Variants in PLEKHD1 observed in about 807,000 individuals in gnomAD.
The protein encoded by PLEKHD1 is pleckstrin homology domain-containing family D member 1.
In PLEKHD1, 51 loss-of-function variants were observed where a neutral mutation model predicts 69.2. That is an observed-to-expected ratio of 0.74 (90% CI 0.59 to 0.93). PLEKHD1 has a LOEUF of 0.93. Ranked by LOEUF, PLEKHD1 falls within the 40% of genes least tolerant of loss-of-function variation. The pLI, the probability that PLEKHD1 is intolerant of heterozygous loss-of-function variation, is 0.00. For missense variants in PLEKHD1, 584 were observed against 641.0 expected, an observed-to-expected ratio of 0.91 and a Z score of 0.96; for synonymous variants, 236 against 244.7, an observed-to-expected ratio of 0.96 and a Z score of 0.33.
chr14:69,477,763 T>A, the PLEKHD1 span, among the ~76,000 whole-genome samples: 1 of 152,186 alleles, frequency 6.6e-6, no homozygotes, highest in South Asian at 2.1e-4. Context: ...ATGCAAGAGG[T>A]AGGTTCCCAT....
Position 69,527,829 on chromosome 14 carries a change from G to A in PLEKHD1, c.1248G>A (p.Met416Ile). The A allele has an allele frequency of 1.3e-6, 2 of 1,551,530 alleles. No individual in the cohort carries two copies. Among genetic ancestry groups the A allele is most frequent in the Non-Finnish European group, 8.7e-7 (1 of 1,147,006 alleles). Residue 416 changes from methionine (M) to isoleucine (I), a missense_variant, in exon 12 of 13, where the codon ATG becomes ATA. Transcript: ENST00000322564. ...CIRNAELEAK[M>I]PVIMKNSVYI... ...GGAATGCCGAGCTGGAGGCCAAGAT[G>A]CCTGTGATCATGAAGAACTCCGTGT...
chr14:69,487,509 T>C (rs965161085), intron 1 of PLEKHD1, among the ~76,000 whole-genome samples: 1 of 152,136 alleles, frequency 6.6e-6, no homozygotes, highest in Non-Finnish European at 1.5e-5. Flanking sequence ...ACTGCATTAG[T>C]AAAGAATAAG....
chr14:69,527,356 G>A, intron 11 of PLEKHD1, 24 bp downstream of exon 11: 2 of 1,551,080 alleles, frequency 1.3e-6, no homozygotes, highest in Non-Finnish European at 8.7e-7. Flanking sequence ...CTAGGCCCTG[G>A]CCCCCAGCTT....
intron 6 of PLEKHD1, among the ~76,000 whole-genome samples, chr14:69,511,772 A>G (rs1314383039): frequency 6.6e-6 from 1 of 151,988 alleles, no homozygotes; most frequent in East Asian, 1.9e-4. Flanking sequence ...GCTGGTCTCA[A>G]ACTCCTGGCC....
At chr14:69,500,459 G>GA (rs1882997982) in intron 2 of PLEKHD1, 118 bp from the exon 3 acceptor site, 2 of 815,584 alleles carry the variant, frequency 2.5e-6, no homozygotes, top group Non-Finnish European at 3.8e-6. Flanking sequence ...CATGGCCCCA[G>GA]GGTCTAGCTT....
At chr14:69,510,212 A>G (rs1170439016) in intron 6 of PLEKHD1, among the ~76,000 whole-genome samples, 1 of 152,150 alleles carries the variant, frequency 6.6e-6, no homozygotes, top group Non-Finnish European at 1.5e-5. Context: ...TTTAGAATCA[A>G]TTTGTCAGTT....
chr14:69,500,484 T>C, intron 2 of PLEKHD1, 93 bp from the exon 3 acceptor site: 1 of 1,027,694 alleles, frequency 9.7e-7, no homozygotes, highest in Non-Finnish European at 1.4e-6. Context: ...CCTGGGGCAC[T>C]TGGCAGGAAC....
chr14:69,499,040 G>T (rs1030891058), intron 1 of PLEKHD1, among the ~76,000 whole-genome samples: 3 of 152,074 alleles, frequency 2.0e-5, no homozygotes, highest in African/African-American at 7.2e-5. Flanking sequence ...TTGGGGGAGG[G>T]AGCTGAGGCA....
chr14:69,500,195 A>G lies in PLEKHD1; in HGVS notation c.230A>G (p.Asn77Ser), dbSNP rs1594979028. ...KKSFETNKYF[N>S]IHPKGVIPLG... ...AGCTTTGAAACCAATAAATACTTCA[A>G]TATACATCCTAAGGTGAGGCGGCCC... Residue 77 changes from asparagine to serine, a missense_variant, in exon 2 of 13, where the codon AAT (asparagine) becomes AGT (serine). By Grantham distance (46) the Asn-to-Ser change is conservative (BLOSUM62 1). Transcript: ENST00000322564. 7 of 1,547,520 alleles carry G rather than the reference A, an allele frequency of 4.5e-6. No homozygotes were observed. The highest frequency in any genetic ancestry group is 6.1e-6 in the Non-Finnish European group (7 of 1,143,268).
intron 1 of PLEKHD1, among the ~76,000 whole-genome samples, chr14:69,485,335 A>G (rs1045793125): frequency 1.8e-4 from 28 of 152,226 alleles, no homozygotes; most frequent in Admixed American, 1.4e-3. Context: ...CAAATTCTCT[A>G]TGGAATGAAC....
intron 4 of PLEKHD1, chr14:69,501,409 G>A: frequency 3.1e-6 from 1 of 321,670 alleles, no homozygotes; most frequent in Admixed American, 4.6e-5. Flanking sequence ...GTGCTCTGTG[G>A]CAGGCCTTGC....
chr14:69,493,904 T>C (rs968083692), intron 1 of PLEKHD1, among the ~76,000 whole-genome samples: 37 of 152,146 alleles, frequency 2.4e-4, no homozygotes, highest in African/African-American at 8.2e-4. Flanking sequence ...AGGATTGATG[T>C]TGGGTCTGGA....
chr14:69,527,703 C>T (rs1001399543), intron 11 of PLEKHD1, 80 bp from the exon 12 acceptor site: 2 of 1,495,244 alleles, frequency 1.3e-6, no homozygotes, highest in Non-Finnish European at 1.8e-6. Flanking sequence ...TCAATCTCAC[C>T]AGGATCCTTG....
At chr14:69,484,444 C>A (rs566884325), upstream of PLEKHD1, among the ~76,000 whole-genome samples, 1 of 152,122 alleles carries the variant, frequency 6.6e-6, no homozygotes, top group South Asian at 2.1e-4. Context: ...CGCTGCTCGC[C>A]GAGAGGGACC....
Position 69,484,942 on chromosome 14 carries a change from C to T in PLEKHD1, c.-24C>T. 1 of 1,547,348 alleles carries T rather than the reference C, an allele frequency of 6.5e-7. No homozygotes were observed. Among genetic ancestry groups the T allele is most frequent in the Admixed American group, 2.0e-5 (1 of 50,892 alleles). On this transcript the variant is annotated 5_prime_UTR_variant, in exon 1 of 13. Coordinates refer to ENST00000322564, the MANE Select transcript of PLEKHD1 (RefSeq NM_001161498.2). Reference sequence around the variant, plus strand: ...GACCCCGGGGAGGTGGGGTCCGGGCCGGGCACAGCCCCGCTGAGGCAGGAT... The same window carrying T: ...GACCCCGGGGAGGTGGGGTCCGGGCTGGGCACAGCCCCGCTGAGGCAGGAT...
chr14:69,493,885 G>A (rs966998945), intron 1 of PLEKHD1, among the ~76,000 whole-genome samples: 2 of 152,240 alleles, frequency 1.3e-5, no homozygotes, highest in Non-Finnish European at 2.9e-5. Flanking sequence ...GATGGGCAAA[G>A]CTTCTCCCAG....
chr14:69,500,019 C>G, intron 1 of PLEKHD1, 96 bp from the exon 2 acceptor site: 4 of 792,488 alleles, frequency 5.0e-6, no homozygotes, highest in Non-Finnish European at 8.3e-6. Context: ...TGTGGGCTCC[C>G]ATGTGAGTCC....
At chr14:69,495,269 C>A (rs1234191933) in intron 1 of PLEKHD1, among the ~76,000 whole-genome samples, 2 of 152,192 alleles carry the variant, frequency 1.3e-5, no homozygotes, top group East Asian at 3.9e-4. Flanking sequence ...TCCTCTCTTG[C>A]CCCCTAACGA....
At chr14:69,488,064 C>A (rs945790237) in intron 1 of PLEKHD1, among the ~76,000 whole-genome samples, 6 of 152,154 alleles carry the variant, frequency 3.9e-5, no homozygotes. Flanking sequence ...GGCAGGGTAG[C>A]CAGTAGGGCC....
Sources: gnomAD v4.1 joint callset for allele counts (sites outside exome capture counted in the v4.1 genomes callset) on GRCh38, gnomAD v4.1.1 for gene constraint, MANE v1.5 for transcripts, NCBI Gene and HGNC (gene_info 2026-07-23, HGNC 2026-07-21) for gene names.